Variants in GDF7 observed in about 807,000 individuals in gnomAD.
GDF7 encodes the protein growth differentiation factor 7.
GDF7 carries 12 observed loss-of-function variants against 13.4 expected under a neutral mutation model. The observed-to-expected ratio is 0.90, with a 90% CI of 0.57 to 1.45. The LOEUF is 1.45. GDF7 is among the 40% of genes most tolerant of loss of function. The pLI, the probability that GDF7 is intolerant of heterozygous loss-of-function variation, is 0.00. For missense variants in GDF7, 651 were observed against 652.4 expected (o/e 1.00, Z 0.02); for synonymous variants, 330 against 306.4 (o/e 1.08, Z -0.80).
In GDF7 at chr2:20,667,516, A is replaced by G. The variant is rs1695988011; in HGVS notation, c.277A>G (p.Met93Val). 7.1e-6 allele frequency: 10 copies of G among 1,403,676 alleles called. No homozygotes were observed. Among genetic ancestry groups the G allele is most frequent in the Non-Finnish European group, 9.2e-6 (10 of 1,082,920 alleles). The allele number at this position is 1,403,676 out of a possible 1,614,324, so 87.0% of individuals were successfully genotyped here. A position where few individuals can be genotyped will look rare whatever the true frequency, so the allele number is the denominator to read the frequency against. The change falls in exon 1 of 2, where the codon ATG becomes GTG. Residue 93 changes from methionine (M) to valine (V), a missense_variant. Physicochemically the swap from Met to Val is conservative, Grantham distance 21 (BLOSUM62 1). Coordinates refer to ENST00000272224, the MANE Select transcript of GDF7 (RefSeq NM_182828.4). The surrounding 1 kb of genome is among the most constrained non-coding windows in gnomAD (Gnocchi z 6.4). ...CTCGGTGGTGCCGCACCACTTCATG[A>G]TGTCGCTTTACCGGAGCCTGGCCGG... is the stretch of plus-strand genomic sequence containing the variant. ...NGSVVPHHFM[M>V]SLYRSLAGRA... is the part of the protein sequence containing the mutation.
rs1244545938 is a variant in GDF7 at position 20,671,906 on chromosome 2, G to A, written c.*481G>A. 5.8e-6 allele frequency: 1 copy of A among 172,320 alleles called. No individual in the cohort carries two copies. The highest frequency in any genetic ancestry group is 1.7e-4 in the East Asian group (1 of 5,880). 10.7% of individuals were successfully genotyped at this position (172,320 alleles called of 1,614,324 possible). A position where few individuals can be genotyped will look rare whatever the true frequency, so the allele number is the denominator to read the frequency against. The stretch of plus-strand genomic sequence containing the variant: ...GGCTGAGCGCCGCGTGGTGCACTCC[G>A]TGACCCACTGCAAGGCTGTAATGCC... On this transcript the variant is annotated 3_prime_UTR_variant, in exon 2 of 2. Coordinates refer to ENST00000272224, the MANE Select transcript of GDF7 (RefSeq NM_182828.4).
At position 20,671,242 on chromosome 2, in the gene GDF7, C is replaced by G. The variant is rs1160078157; in HGVS notation, c.1170C>G (p.Leu390=). The G allele has an allele frequency of 2.5e-6, 4 of 1,614,030 alleles. No homozygotes were observed. The highest frequency in any genetic ancestry group is 8.5e-7 in the Non-Finnish European group (1 of 1,179,956). The change falls in exon 2 of 2, where the codon CTC becomes CTG. Residue 390 remains leucine, a synonymous_variant. Transcript: ENST00000272224. ...GCGACTTCCCTTTGCGTTCGCACCT[C>G]GAGCCCACCAACCATGCCATCATTC... The part of the protein sequence containing the change: ...GLCDFPLRSH[L]EPTNHAIIQT...
At position 20,676,500 on chromosome 2, in the gene GDF7, C is replaced by T. The variant is rs3732148; in HGVS notation, c.*5075C>T. ...CTGAGTGAGGCTGTTGTGAAAGAAGCCTGTTTTTTTCAGGAGGGCCACCGT... is the reference window on the plus strand; with the variant it reads ...CTGAGTGAGGCTGTTGTGAAAGAAGTCTGTTTTTTTCAGGAGGGCCACCGT... On this transcript the variant is annotated 3_prime_UTR_variant, in exon 2 of 2. Coordinates refer to ENST00000272224, the MANE Select transcript of GDF7 (RefSeq NM_182828.4). 0.058 allele frequency: 8,788 copies of T among 152,290 alleles called. 285 individuals carry two copies. Among genetic ancestry groups the T allele is most frequent in the Middle Eastern group, 0.084 (25 of 296 alleles). 9.4% of individuals were successfully genotyped at this position (152,290 alleles called of 1,614,324 possible). A position where few individuals can be genotyped will look rare whatever the true frequency, so the allele number is the denominator to read the frequency against.
rs1460503814 is a variant in GDF7 at position 20,677,702 on chromosome 2, C to A, written c.*6277C>A. ...CTCGAGGACATTTCCTGAGCTGCAA[C>A]ATGGGAAGCGACAGCACCGAAGCTG... On this transcript the variant is annotated 3_prime_UTR_variant, in exon 2 of 2. Coordinates refer to ENST00000272224, the MANE Select transcript of GDF7 (RefSeq NM_182828.4). 2 of 152,286 alleles carry A rather than the reference C, an allele frequency of 1.3e-5. No homozygotes were observed. The highest frequency in any genetic ancestry group is 4.8e-5 in the African/African-American group (2 of 41,472). The allele number at this position is 152,286 out of a possible 1,614,324, so 9.4% of individuals were successfully genotyped here. A position where few individuals can be genotyped will look rare whatever the true frequency, so the allele number is the denominator to read the frequency against.
chr2:20,667,708 C>CGTTA lies in GDF7; in HGVS notation c.391+79_391+82dup. ...CAGCCCCGGAGCCGTGCCGCAGCTCCGTTACATTTGGAGCCGCGGCCCCAT... is the reference window on the plus strand; with the variant it reads ...CAGCCCCGGAGCCGTGCCGCAGCTCCGTTAGTTACATTTGGAGCCGCGGCCCCAT... On this transcript the variant is annotated intron_variant, in intron 1 of 1. Transcript: ENST00000272224. The surrounding 1 kb of genome is among the most constrained non-coding windows in gnomAD (Gnocchi z 6.4). The CGTTA allele has an allele frequency of 8.7e-7, 1 of 1,154,670 alleles. No individual in the cohort carries two copies. Among genetic ancestry groups the CGTTA allele is most frequent in the African/African-American group, 1.6e-5 (1 of 62,186 alleles). The allele number at this position is 1,154,670 out of a possible 1,614,324, so 71.5% of individuals were successfully genotyped here. A position where few individuals can be genotyped will look rare whatever the true frequency, so the allele number is the denominator to read the frequency against.
rs1662261032 is a variant in GDF7, at chr2:20,677,943, T to C, written c.*6518T>C. 6.5e-6 allele frequency: 1 copy of C among 153,422 alleles called. No individual in the cohort carries two copies. The allele number at this position is 153,422 out of a possible 1,614,324, so 9.5% of individuals were successfully genotyped here. A position where few individuals can be genotyped will look rare whatever the true frequency, so the allele number is the denominator to read the frequency against. ...GCCAAGGCCAGACAACGCACATGTG[T>C]CCTGGATCCTCCCCTGGCCTGGGGC... On this transcript the variant is annotated 3_prime_UTR_variant, in exon 2 of 2. Transcript: ENST00000272224.
At position 20,670,706 on chromosome 2, in the gene GDF7, G is replaced by T. The variant is rs745405606; in HGVS notation, c.634G>T (p.Asp212Tyr). The T allele has an allele frequency of 1.7e-5, 25 of 1,477,532 alleles. 1 individual carries two copies. The South Asian group carries it at 3.3e-4, about 20-fold the overall frequency. The allele number at this position is 1,477,532 out of a possible 1,614,324, so 91.5% of individuals were successfully genotyped here. A position where few individuals can be genotyped will look rare whatever the true frequency, so the allele number is the denominator to read the frequency against. ...AGTCGGTCAGCGCTGGGAGGCGTTC[G>T]ACGTGGCGGACGCCATGAGGCGCCA... Reference protein sequence around the residue: ...PLVGQRWEAFDVADAMRRHRR... With the variant: ...PLVGQRWEAFYVADAMRRHRR... The change falls in exon 2 of 2, where the codon GAC becomes TAC. Residue 212 changes from aspartate (D) to tyrosine (Y), a missense_variant. Coordinates refer to ENST00000272224, the MANE Select transcript of GDF7 (RefSeq NM_182828.4).
rs1162591407 is a variant in GDF7 at position 20,671,345 on chromosome 2, A to G, written c.1273A>G (p.Ile425Val). The change falls in exon 2 of 2, where the codon ATC (isoleucine) becomes GTC (valine). Residue 425 changes from isoleucine to valine, a missense_variant. This residue lies in a region of GDF7 where 101 missense variants were observed against 139.2 expected (regional missense o/e 0.73). Transcript: ENST00000272224. The part of the protein sequence containing the change: ...CVPARLSPIS[I>V]LYIDAANNVV... Reference sequence around the variant, plus strand: ...GCCAGCGCGCCTCAGCCCCATCAGCATCCTCTACATCGACGCCGCCAACAA... The same window carrying G: ...GCCAGCGCGCCTCAGCCCCATCAGCGTCCTCTACATCGACGCCGCCAACAA... 2 of 1,613,258 alleles carry G rather than the reference A, an allele frequency of 1.2e-6. No individual in the cohort carries two copies. The highest frequency in any genetic ancestry group is 2.2e-5 in the East Asian group (1 of 44,816).
Position 20,667,553 on chromosome 2 carries a change from C to T in GDF7, c.314C>T (p.Ala105Val). The part of the protein sequence containing the change: ...LYRSLAGRAP[A>V]GAAAVSASGH... ...CGGAGCCTGGCCGGGAGGGCTCCGGCCGGGGCAGCCGCTGTCTCCGCCTCG... is the reference window on the plus strand; with the variant it reads ...CGGAGCCTGGCCGGGAGGGCTCCGGTCGGGGCAGCCGCTGTCTCCGCCTCG... Residue 105 changes from alanine to valine, a missense_variant, in exon 1 of 2, where the codon GCC (alanine) becomes GTC (valine). Physicochemically the swap from Ala to Val is moderately conservative, Grantham distance 64. Transcript: ENST00000272224. The surrounding 1 kb of genome is among the most constrained non-coding windows in gnomAD (Gnocchi z 6.4). The T allele has an allele frequency of 1.4e-6, 2 of 1,480,520 alleles. No homozygotes were observed. Among genetic ancestry groups the T allele is most frequent in the Non-Finnish European group, 1.8e-6 (2 of 1,122,048 alleles). The allele number at this position is 1,480,520 out of a possible 1,614,324, so 91.7% of individuals were successfully genotyped here.
rs1245893418 is a variant in GDF7, at chr2:20,667,663, G to A, written c.391+33G>A. ...CGCCTCTTCTGTGCCCGCCCATCCC[G>A]TCAGGTCCTGGGCTGAGACCAGCCC... is the stretch of plus-strand genomic sequence containing the variant. On this transcript the variant is annotated intron_variant, in intron 1 of 1. Transcript: ENST00000272224. This position sits in a 1 kb window ranked among gnomAD's most constrained non-coding sequence, Gnocchi z 6.4. The A allele has an allele frequency of 5.1e-6, 7 of 1,367,578 alleles. No individual in the cohort carries two copies. The highest frequency in any genetic ancestry group is 1.7e-5 in the South Asian group (1 of 57,866). The allele number at this position is 1,367,578 out of a possible 1,614,324, so 84.7% of individuals were successfully genotyped here. A position where few individuals can be genotyped will look rare whatever the true frequency, so the allele number is the denominator to read the frequency against.
rs1414515066 is a variant in GDF7 at position 20,674,258 on chromosome 2, A to G, written c.*2833A>G. ...GATGGGAGAACTGACAGGCAGGGAGAAAGCATGTCAAGACTGTGAGGAAAG... is the reference window on the plus strand; with the variant it reads ...GATGGGAGAACTGACAGGCAGGGAGGAAGCATGTCAAGACTGTGAGGAAAG... On this transcript the variant is annotated 3_prime_UTR_variant, in exon 2 of 2. Coordinates refer to ENST00000272224, the MANE Select transcript of GDF7 (RefSeq NM_182828.4). The G allele has an allele frequency of 1.3e-5, 2 of 152,172 alleles. No individual in the cohort carries two copies. The highest frequency in any genetic ancestry group is 1.3e-4 in the Admixed American group (2 of 15,272). The allele number at this position is 152,172 out of a possible 1,614,324, so 9.4% of individuals were successfully genotyped here. A position where few individuals can be genotyped will look rare whatever the true frequency, so the allele number is the denominator to read the frequency against.
rs1189092539 is a variant in GDF7, at chr2:20,671,054, C to T, written c.982C>T (p.Arg328Trp). 6.7e-7 allele frequency: 1 copy of T among 1,502,946 alleles called. No individual in the cohort carries two copies. The highest frequency in any genetic ancestry group is 8.9e-7 in the Non-Finnish European group (1 of 1,127,876). 93.1% of individuals were successfully genotyped at this position (1,502,946 alleles called of 1,614,324 possible). Reference protein sequence around the residue: ...RRRRTALAGTRTAQGSGGGAG... With the variant: ...RRRRTALAGTWTAQGSGGGAG... ...GAGGAGGACGGCGTTGGCCGGGACG[C>T]GGACAGCGCAGGGCAGCGGCGGGGG... Residue 328 changes from arginine to tryptophan, a missense_variant, in exon 2 of 2, where the codon CGG becomes TGG. Physicochemically the swap from Arg to Trp is moderately radical, Grantham distance 101. Transcript: ENST00000272224.
At position 20,676,438 on chromosome 2, in the gene GDF7, A is replaced by G. The variant is rs1183428311; in HGVS notation, c.*5013A>G. Reference sequence around the variant, plus strand: ...CTCCCTCTGTGCTGTTCTGGACTTTAATCTGTGTGCACAGCTTAGTGCGTC... The same window carrying G: ...CTCCCTCTGTGCTGTTCTGGACTTTGATCTGTGTGCACAGCTTAGTGCGTC... On this transcript the variant is annotated 3_prime_UTR_variant, in exon 2 of 2. Transcript: ENST00000272224. 1 of 152,216 alleles carries G rather than the reference A, an allele frequency of 6.6e-6. No individual in the cohort carries two copies. The highest frequency in any genetic ancestry group is 1.5e-5 in the Non-Finnish European group (1 of 68,042). The allele number at this position is 152,216 out of a possible 1,614,324, so 9.4% of individuals were successfully genotyped here. A position where few individuals can be genotyped will look rare whatever the true frequency, so the allele number is the denominator to read the frequency against.
rs1478427277 is a variant in GDF7 at position 20,673,544 on chromosome 2, T to C, written c.*2119T>C. 1 of 152,250 alleles carries C rather than the reference T, an allele frequency of 6.6e-6. No homozygotes were observed. The highest frequency in any genetic ancestry group is 2.4e-5 in the African/African-American group (1 of 41,466). 9.4% of individuals were successfully genotyped at this position (152,250 alleles called of 1,614,324 possible). ...TTAGAAGGTTTAGAAAGGAAGTTAA[T>C]GACAAAGTGCAGTTAAATGTTATTT... On this transcript the variant is annotated 3_prime_UTR_variant, in exon 2 of 2. Transcript: ENST00000272224.
intron 1 of GDF7, among the ~76,000 whole-genome samples, chr2:20,669,803 G>T (rs1287012517): frequency 6.6e-6 from 1 of 152,262 alleles, no homozygotes; most frequent in Non-Finnish European, 1.5e-5. Context: ...GCAGAGCGAA[G>T]TTGGACTAGA....
At position 20,667,610 on chromosome 2, in the gene GDF7, T is replaced by C; in HGVS notation, c.371T>C (p.Phe124Ser). 2 of 1,508,042 alleles carry C rather than the reference T, an allele frequency of 1.3e-6. No homozygotes were observed. Among genetic ancestry groups the C allele is most frequent in the Admixed American group, 2.0e-5 (1 of 48,840 alleles). The allele number at this position is 1,508,042 out of a possible 1,614,324, so 93.4% of individuals were successfully genotyped here. A position where few individuals can be genotyped will look rare whatever the true frequency, so the allele number is the denominator to read the frequency against. Reference sequence around the variant, plus strand: ...GGTCGCGCGGACACGATCACCGGCTTCACAGACCAGGCGACCCAAGGTACT... The same window carrying C: ...GGTCGCGCGGACACGATCACCGGCTCCACAGACCAGGCGACCCAAGGTACT... ...GHGRADTITG[F>S]TDQATQDESA... The change falls in exon 1 of 2, where the codon TTC (phenylalanine) becomes TCC (serine). Residue 124 changes from phenylalanine to serine, a missense_variant. Around this residue, in one of 4 missense-constraint regions of GDF7, gnomAD observed 487 missense variants for 445.9 expected, o/e 1.09. Coordinates refer to ENST00000272224, the MANE Select transcript of GDF7 (RefSeq NM_182828.4). This position sits in a 1 kb window ranked among gnomAD's most constrained non-coding sequence, Gnocchi z 6.4.
chr2:20,670,366 A>G, intron 1 of GDF7, 98 bp from the exon 2 acceptor site: 6 of 1,292,456 alleles, frequency 4.6e-6, no homozygotes, highest in Non-Finnish European at 6.0e-6. Context: ...CACATCGAAG[A>G]CAGCTGGGCC....
At position 20,679,210 on chromosome 2, in the gene GDF7, ACAGAT is replaced by A; in HGVS notation, c.*7786_*7790del. The A allele has an allele frequency of 6.6e-6, 1 of 152,328 alleles. No individual in the cohort carries two copies. The highest frequency in any genetic ancestry group is 2.1e-4 in the South Asian group (1 of 4,816). The allele number at this position is 152,328 out of a possible 1,614,324, so 9.4% of individuals were successfully genotyped here. On this transcript the variant is annotated 3_prime_UTR_variant, in exon 2 of 2. Coordinates refer to ENST00000272224, the MANE Select transcript of GDF7 (RefSeq NM_182828.4). ...TTCATTAACCATTTTAATATTTTGT[ACAGAT>A]AAGTTGATTAAATATTTTATTCATA...
intron 1 of GDF7, 69 bp from the exon 2 acceptor site, chr2:20,670,395 C>T (rs1342276156): frequency 7.0e-7 from 1 of 1,422,928 alleles, no homozygotes; most frequent in Non-Finnish European, 9.2e-7. Context: ...TTAGGAGGCC[C>T]CGCGCTGACA....
Sources: allele counts gnomAD v4.1 joint callset (sites outside exome capture counted in the v4.1 genomes callset), GRCh38; gene constraint gnomAD v4.1.1; regional missense constraint gnomAD v4.1.1; non-coding constraint Gnocchi (gnomAD v3.1); transcripts MANE v1.5; gene names NCBI Gene and HGNC (gene_info 2026-07-23, HGNC 2026-07-21).